Variants in ARHGEF28 observed in about 807,000 individuals in gnomAD.
ARHGEF28 encodes Rho guanine nucleotide exchange factor 28.
Under a neutral mutation model 206.6 loss-of-function variants are expected in ARHGEF28, and 152 were observed. The ratio of observed to expected loss-of-function variants is 0.74; its 90% CI spans 0.64 to 0.84. The LOEUF (loss-of-function observed/expected upper bound fraction) is 0.84, where lower values mean the gene tolerates loss of function less well. ARHGEF28 is among the 40% of genes least tolerant of loss of function. The pLI is 0.00. For synonymous variants in ARHGEF28, 763 were observed against 776.4 expected (o/e 0.98, Z 0.29); for missense variants, 2,028 against 2,073.2 (o/e 0.98, Z 0.42).
rs987633169 is a variant in ARHGEF28, at chr5:73,874,033, C to T, written c.2814+787C>T. 2.6e-5 allele frequency among the ~76,000 whole-genome samples: 4 copies of T among 152,202 alleles called. 1 individual carries two copies. Among genetic ancestry groups the T allele is most frequent in the Admixed American group, 2.6e-4 (4 of 15,284 alleles). On this transcript the variant is annotated intron_variant, in intron 22 of 35. Coordinates refer to ENST00000513042, the MANE Select transcript of ARHGEF28 (RefSeq NM_001177693.2). ...AGTTTCTCTACATCCTCACCAGCAT[C>T]TGATATTGACACTATTTTTAATTTT...
chr5:73,657,794 A>G (rs1039466455), intron 1 of ARHGEF28, among the ~76,000 whole-genome samples: 1 of 152,152 alleles, frequency 6.6e-6, no homozygotes, highest in Non-Finnish European at 1.5e-5. Context: ...TTTTTCTATT[A>G]TCATTATTTG....
intron 1 of ARHGEF28, among the ~76,000 whole-genome samples, chr5:73,661,115 T>G (rs904847685): frequency 6.6e-6 from 1 of 152,276 alleles, no homozygotes; most frequent in Non-Finnish European, 1.5e-5. Flanking sequence ...TTGTTTACTG[T>G]AGCCACCTTC....
At position 73,858,134 on chromosome 5, in the gene ARHGEF28, G is replaced by C. The variant is rs2112613280; in HGVS notation, c.1962G>C (p.Gln654His). 6.2e-7 allele frequency: 1 copy of C among 1,612,178 alleles called. No homozygotes were observed. The change falls in exon 16 of 36, where the codon CAG (glutamine) becomes CAC (histidine). Residue 654 changes from glutamine (Q) to histidine (H), a missense_variant. Coordinates refer to ENST00000513042, the MANE Select transcript of ARHGEF28 (RefSeq NM_001177693.2). ...ATAAAGAGAAGCTGAATCGACATCA[G>C]TTTGCCCCAGGAACATTCTCTGGGG... ...AKDKEKLNRH[Q>H]FAPGTFSGVL...
At chr5:73,666,797 G>A (rs1484533109) in intron 1 of ARHGEF28, among the ~76,000 whole-genome samples, 1 of 152,196 alleles carries the variant, frequency 6.6e-6, no homozygotes, top group African/African-American at 2.4e-5. Context: ...GCTAAGTGAG[G>A]TGGCTGAATA....
chr5:73,922,255 G>A (rs1763561365), intron 35 of ARHGEF28, among the ~76,000 whole-genome samples: 1 of 152,238 alleles, frequency 6.6e-6, no homozygotes, highest in African/African-American at 2.4e-5. Flanking sequence ...ATTACCAAGA[G>A]AAGCCCATGG....
chr5:73,888,748 A>G (rs1230727525), intron 26 of ARHGEF28, among the ~76,000 whole-genome samples: 1 of 152,192 alleles, frequency 6.6e-6, no homozygotes, highest in Non-Finnish European at 1.5e-5. Flanking sequence ...GCCTGGAAAT[A>G]TGATTCTTTC....
intron 33 of ARHGEF28, 125 bp from the exon 34 acceptor site, chr5:73,909,287 C>A: frequency 7.1e-7 from 1 of 1,399,932 alleles, no homozygotes. Context: ...TAGAAAAAGG[C>A]CAGAAATATT....
intron 9 of ARHGEF28, among the ~76,000 whole-genome samples, chr5:73,797,363 C>T (rs1754881694): frequency 6.6e-6 from 1 of 152,174 alleles, no homozygotes; most frequent in East Asian, 1.9e-4. Context: ...TGGGCTCTCC[C>T]TGGAGGCCAC....
In ARHGEF28 at chr5:73,702,647, T is replaced by C. The variant is rs1561344088; in HGVS notation, c.33+17763T>C. ...CCTACAGTGGCTGCACCATTTTACATTTTCAGCAGCAGTGCACAAGTGTCC... is the reference window on the plus strand; with the variant it reads ...CCTACAGTGGCTGCACCATTTTACACTTTCAGCAGCAGTGCACAAGTGTCC... On this transcript the variant is annotated intron_variant, in intron 2 of 35. Transcript: ENST00000513042. Among the ~76,000 whole-genome samples, 4 of 152,358 alleles carry C rather than the reference T, an allele frequency of 2.6e-5. No homozygotes were observed. The South Asian group carries it at 6.2e-4, about 24-fold the overall frequency.
intron 1 of ARHGEF28, among the ~76,000 whole-genome samples, chr5:73,629,315 T>C (rs1223863490): frequency 6.6e-6 from 1 of 151,820 alleles, no homozygotes; most frequent in African/African-American, 2.4e-5. Context: ...CTGGGCAACA[T>C]GGCAAAACCC....
At chr5:73,729,940 C>G (rs1397471284) in intron 2 of ARHGEF28, among the ~76,000 whole-genome samples, 1 of 152,162 alleles carries the variant, frequency 6.6e-6, no homozygotes, top group African/African-American at 2.4e-5. Flanking sequence ...CCAATTTGTA[C>G]TATCTCACTT....
intron 1 of ARHGEF28, among the ~76,000 whole-genome samples, chr5:73,673,754 C>CT (rs1746488807): frequency 6.6e-6 from 1 of 152,094 alleles, no homozygotes; most frequent in Non-Finnish European, 1.5e-5. Context: ...AGTTTTTTCT[C>CT]TTTTTACCCT....
intron 11 of ARHGEF28, among the ~76,000 whole-genome samples, chr5:73,843,222 A>C (rs77882457): frequency 1.2e-3 from 184 of 152,292 alleles, no homozygotes; most frequent in Non-Finnish European, 2.0e-3. Flanking sequence ...TCCTCTGTAG[A>C]ATATAATTTA....
At chr5:73,772,566 A>C (rs1753281406) in intron 4 of ARHGEF28, among the ~76,000 whole-genome samples, 1 of 152,040 alleles carries the variant, frequency 6.6e-6, no homozygotes, top group Admixed American at 6.5e-5. Flanking sequence ...TTTTGTGGAC[A>C]GTGGGTTTTA....
At chr5:73,706,081 A>G (rs1748912797) in intron 2 of ARHGEF28, among the ~76,000 whole-genome samples, 1 of 152,196 alleles carries the variant, frequency 6.6e-6, no homozygotes, top group South Asian at 2.1e-4. Context: ...GCTGAGCCAG[A>G]GAAGGGGCTT....
chr5:73,872,308 C>G (rs923253182), intron 21 of ARHGEF28, among the ~76,000 whole-genome samples: 2 of 151,852 alleles, frequency 1.3e-5, no homozygotes, highest in African/African-American at 4.8e-5. Flanking sequence ...CTGTTCAAAT[C>G]CTTTGACCAT....
At chr5:73,923,398 C>T (rs999728275) in intron 35 of ARHGEF28, among the ~76,000 whole-genome samples, 10 of 152,172 alleles carry the variant, frequency 6.6e-5, no homozygotes, top group Admixed American at 1.3e-4. Context: ...TGAACTCTGT[C>T]GGCTGGAAGC....
intron 2 of ARHGEF28, among the ~76,000 whole-genome samples, chr5:73,745,581 CT>C (rs1469596568): frequency 6.6e-6 from 1 of 151,942 alleles, no homozygotes; most frequent in Non-Finnish European, 1.5e-5. Context: ...TTACCTGATT[CT>C]TTGTGTGTAT....
At chr5:73,780,555 C>G in intron 6 of ARHGEF28, 121 bp from the exon 7 acceptor site, 2 of 1,050,702 alleles carry the variant, frequency 1.9e-6, no homozygotes, top group Non-Finnish European at 2.7e-6. Flanking sequence ...CACCCACCCT[C>G]TATTTCCCAA....
Sources: allele counts gnomAD v4.1 joint callset (sites outside exome capture counted in the v4.1 genomes callset), GRCh38; gene constraint gnomAD v4.1.1; transcripts MANE v1.5; gene names NCBI Gene and HGNC (gene_info 2026-07-23, HGNC 2026-07-21).